The following DPP7 variants were observed in gnomAD, a reference collection of about 807,000 sequenced individuals.
DPP7 encodes the protein dipeptidyl peptidase 2.
DPP7 carries 74 observed loss-of-function variants against 58.8 expected under a neutral mutation model. The ratio of observed to expected loss-of-function variants is 1.26; its 90% CI spans 1.04 to 1.53. DPP7 has a LOEUF of 1.53. Among genes scored for constraint, DPP7 ranks in the 40% most tolerant of loss-of-function variants. The pLI is 0.00. For missense variants in DPP7, 807 were observed against 692.3 expected (o/e 1.17, Z -1.86); for synonymous variants, 350 against 303.6 (o/e 1.15, Z -1.59).
Position 137,112,048 on chromosome 9 carries a change from G to A in DPP7, c.1051-19C>T. On this transcript the variant is annotated intron_variant, in intron 9 of 12. Coordinates refer to ENST00000371579, the MANE Select transcript of DPP7 (RefSeq NM_013379.3). The stretch of plus-strand genomic sequence containing the variant: ...TGCAGGCCTGCAGGTGCCCCAGCCT[G>A]AGTCAGGCCAGCCCACGCCCACCCT... 6.2e-7 allele frequency: 1 copy of A among 1,613,128 alleles called. No individual in the cohort carries two copies. Among genetic ancestry groups the A allele is most frequent in the East Asian group, 2.2e-5 (1 of 44,864 alleles).
chr9:137,114,143 G>A (rs1323603105), intron 3 of DPP7, 100 bp downstream of exon 3: 1 of 244,158 alleles, frequency 4.1e-6, no homozygotes, highest in Non-Finnish European at 6.1e-6. Context: ...CCCCGCCCGC[G>A]ACCCCGCCCG....
chr9:137,110,761 C>T lies in DPP7; in HGVS notation c.1366G>A (p.Ala456Thr). 1 of 1,606,250 alleles carries T rather than the reference C, an allele frequency of 6.2e-7. No individual in the cohort carries two copies. Residue 456 changes from alanine (A) to threonine (T), a missense_variant, in exon 13 of 13, where the codon GCT (alanine) becomes ACT (threonine). This residue lies in a region of DPP7 where 624 missense variants were observed against 531.2 expected (regional missense o/e 1.17). Coordinates refer to ENST00000371579, the MANE Select transcript of DPP7 (RefSeq NM_013379.3). ...AGCTTCCGCGCCTCAACCACGGAAG[C>T]AGGATCTTCTGGGTGGGAGGCTCTG... ...DLRASHPEDP[A>T]SVVEARKLEA...
chr9:137,115,970 C>A (rs1480101220), upstream of DPP7, among the ~76,000 whole-genome samples: 1 of 152,172 alleles, frequency 6.6e-6, no homozygotes, highest in South Asian at 2.1e-4. Flanking sequence ...TTGGCTCCCT[C>A]GGGTGCCTTA....
chr9:137,113,052 C>G lies in DPP7; in HGVS notation c.771G>C (p.Gln257His). ...AGGCATTCCGGGCGAACATGAAGAG[C>G]TGGGTCAGGTCCTTCTCGTCTGACA... Reference protein sequence around the residue: ...QPLSDEKDLTQLFMFARNAFT... With the variant: ...QPLSDEKDLTHLFMFARNAFT... Residue 257 changes from glutamine (Q) to histidine (H), a missense_variant, in exon 7 of 13, where the codon CAG (glutamine) becomes CAC (histidine). This residue lies in a region of DPP7 where 624 missense variants were observed against 531.2 expected (regional missense o/e 1.17). Transcript: ENST00000371579. 6.2e-7 allele frequency: 1 copy of G among 1,613,916 alleles called. No individual in the cohort carries two copies. The highest frequency in any genetic ancestry group is 8.5e-7 in the Non-Finnish European group (1 of 1,180,026).
chr9:137,111,008 G>A (rs370591806), intron 11 of DPP7, 58 bp from the exon 12 acceptor site: 221 of 1,540,188 alleles, frequency 1.4e-4, no homozygotes, highest in Non-Finnish European at 1.4e-4. Flanking sequence ...CCCAGCCTCC[G>A]TGGGCCCATT....
chr9:137,114,826 G>A, upstream of DPP7: 2 of 711,080 alleles, frequency 2.8e-6, no homozygotes, highest in Non-Finnish European at 3.9e-6. Context: ...GGAGACCGTC[G>A]CTGCTTCAGC....
At position 137,113,216 on chromosome 9, in the gene DPP7, G is replaced by T. The variant is rs932215590; in HGVS notation, c.693C>A (p.Phe231Leu). 4.3e-6 allele frequency: 7 copies of T among 1,613,590 alleles called. No homozygotes were observed. Among genetic ancestry groups the T allele is most frequent in the Non-Finnish European group, 5.9e-6 (7 of 1,179,958 alleles). Residue 231 changes from phenylalanine (F) to leucine (L), a missense_variant, in exon 6 of 13, where the codon TTC becomes TTA. Phe to Leu is a conservative substitution (Grantham distance 22, BLOSUM62 0). This residue lies in a region of DPP7 where 624 missense variants were observed against 531.2 expected (regional missense o/e 1.17). Transcript: ENST00000371579. ...REAFRQIKDL[F>L]LQGAYDTVRW... ...GTGGGAGGACCTCACCTCCCTGTAG[G>T]AACAAGTCCTTGATCTGTCGGAACG...
At position 137,110,919 on chromosome 9, in the gene DPP7, G is replaced by T; in HGVS notation, c.1304C>A (p.Ala435Asp). Residue 435 changes from alanine (A) to aspartate (D), a missense_variant, in exon 12 of 13, where the codon GCC becomes GAC. Physicochemically the swap from Ala to Asp is moderately radical, Grantham distance 126. Around this residue, in one of 3 missense-constraint regions of DPP7, gnomAD observed 624 missense variants for 531.2 expected, o/e 1.17. Coordinates refer to ENST00000371579, the MANE Select transcript of DPP7 (RefSeq NM_013379.3). ...IRRNLSASVI[A>D]VTIQGGAHHL... ...GTGCGCTCCCCCCTGGATGGTGACG[G>T]CGATGACTGAGGCACTCAGGTTCCT... 1 of 1,613,138 alleles carries T rather than the reference G, an allele frequency of 6.2e-7. No individual in the cohort carries two copies. The highest frequency in any genetic ancestry group is 1.3e-5 in the African/African-American group (1 of 75,046).
At chr9:137,116,778 G>C (rs371623396), upstream of DPP7, among the ~76,000 whole-genome samples, 1 of 152,194 alleles carries the variant, frequency 6.6e-6, no homozygotes, top group African/African-American at 2.4e-5. Context: ...GAATGTCTCC[G>C]TGTAAAACCC....
At chr9:137,113,827 G>C in intron 4 of DPP7, 38 bp downstream of exon 4, 1 of 1,448,852 alleles carries the variant, frequency 6.9e-7, no homozygotes, top group Non-Finnish European at 9.2e-7. Context: ...GTCGGGGCAG[G>C]GGAGGGAGGG....
rs536900119 is a variant in DPP7, at chr9:137,111,045, G to A, written c.1273-95C>T. The A allele has an allele frequency of 3.7e-5, 46 of 1,227,814 alleles. No individual in the cohort carries two copies. In the African/African-American group the frequency reaches 5.6e-4, roughly 15 times the overall value. The allele number at this position is 1,227,814 out of a possible 1,614,324, so 76.1% of individuals were successfully genotyped here. On this transcript the variant is annotated intron_variant, in intron 11 of 12. Transcript: ENST00000371579. ...GAGAGGAGACGTGAGAGGGCGAGCC[G>A]AGACTCAGTGCCCATCAAGCAACCA...
chr9:137,112,840 C>T (rs1420070822), intron 7 of DPP7, 35 bp from the exon 8 acceptor site: 5 of 1,604,936 alleles, frequency 3.1e-6, no homozygotes, highest in Non-Finnish European at 2.5e-6. Context: ...TCAGCGGGGT[C>T]CCCTCCACCA....
chr9:137,114,998 TAGGGCGAG>T (rs1412007674), upstream of DPP7: 3 of 283,490 alleles, frequency 1.1e-5, no homozygotes, highest in Non-Finnish European at 2.0e-5. Flanking sequence ...GGAGCTGCGC[TAGGGCGAG>T]TCCCTGCTGC....
chr9:137,115,927 C>T (rs1011181384), upstream of DPP7, among the ~76,000 whole-genome samples: 3 of 150,412 alleles, frequency 2.0e-5, no homozygotes, highest in African/African-American at 5.0e-5. Context: ...TGGAGGTACC[C>T]CACGGCGTCC....
chr9:137,112,756 C>A lies in DPP7; in HGVS notation c.920G>T (p.Arg307Leu). Residue 307 changes from arginine (R) to leucine (L), a missense_variant, in exon 8 of 13, where the codon CGA (arginine) becomes CTA (leucine). Transcript: ENST00000371579. ...LSEAQRITGL[R>L]ALAGLVYNAS... Reference sequence around the variant, plus strand: ...CGGGGGAAGGGCACCTGCCAGTGCTCGCAGCCCCGTGATCCTCTGGGCCTC... The same window carrying A: ...CGGGGGAAGGGCACCTGCCAGTGCTAGCAGCCCCGTGATCCTCTGGGCCTC... The A allele has an allele frequency of 5.6e-6, 9 of 1,606,074 alleles. No individual in the cohort carries two copies. The highest frequency in any genetic ancestry group is 6.8e-6 in the Non-Finnish European group (8 of 1,178,370).
chr9:137,110,610 A>G lies in DPP7; in HGVS notation c.*38T>C, dbSNP rs199555646. 1.1e-3 allele frequency: 1,724 copies of G among 1,589,648 alleles called. 3 individuals carry two copies. Among genetic ancestry groups the G allele is most frequent in the Non-Finnish European group, 1.3e-3 (1,497 of 1,167,962 alleles). On this transcript the variant is annotated 3_prime_UTR_variant, in exon 13 of 13. Coordinates refer to ENST00000371579, the MANE Select transcript of DPP7 (RefSeq NM_013379.3). The stretch of plus-strand genomic sequence containing the variant: ...CGCCAGCTGCTTGAGTGAAGCCCCC[A>G]CTCCATGAGGAGCCTTGAGACCCCT...
At position 137,113,055 on chromosome 9, in the gene DPP7, G is replaced by C. The variant is rs746395277; in HGVS notation, c.768C>G (p.Thr256=). ...CATTCCGGGCGAACATGAAGAGCTG[G>C]GTCAGGTCCTTCTCGTCTGACAGCG... ...CQPLSDEKDL[T]QLFMFARNAF... Residue 256 remains threonine, a synonymous_variant, in exon 7 of 13, where the codon ACC becomes ACG. Coordinates refer to ENST00000371579, the MANE Select transcript of DPP7 (RefSeq NM_013379.3). 1.9e-6 allele frequency: 3 copies of C among 1,613,924 alleles called. No homozygotes were observed. The highest frequency in any genetic ancestry group is 1.1e-5 in the South Asian group (1 of 91,088).
rs897277052 is a variant in DPP7, at chr9:137,113,456, G to A, written c.526C>T (p.Pro176Ser). ...GCCAGCGCCCCCGCCACCAGGTGGG[G>A]ATACTTCATCCTCAGGTAGGCACTG... is the stretch of plus-strand genomic sequence containing the variant. ...MLSAYLRMKY[P>S]HLVAGALAAS... The change falls in exon 5 of 13, where the codon CCC becomes TCC. Residue 176 changes from proline to serine, a missense_variant. Pro to Ser is a moderately conservative substitution (Grantham distance 74). This residue lies in a region of DPP7 where 624 missense variants were observed against 531.2 expected (regional missense o/e 1.17). Transcript: ENST00000371579. 2.5e-6 allele frequency: 4 copies of A among 1,603,174 alleles called. No individual in the cohort carries two copies. The highest frequency in any genetic ancestry group is 3.4e-6 in the Non-Finnish European group (4 of 1,173,650).
chr9:137,116,986 C>T (rs1381735072), upstream of DPP7, among the ~76,000 whole-genome samples: 1 of 152,236 alleles, frequency 6.6e-6, no homozygotes, highest in African/African-American at 2.4e-5. Context: ...CCTTTGCTCA[C>T]ATTTTCTTGC....
Sources: allele counts gnomAD v4.1 joint callset (sites outside exome capture counted in the v4.1 genomes callset), GRCh38; gene constraint gnomAD v4.1.1; regional missense constraint gnomAD v4.1.1; transcripts MANE v1.5; gene names NCBI Gene and HGNC (gene_info 2026-07-23, HGNC 2026-07-21).